The following SHC4 variants were observed in gnomAD, a reference collection of about 807,000 sequenced individuals.
SHC4 encodes SHC-transforming protein 4.
SHC4 carries 41 observed loss-of-function variants against 69.4 expected under a neutral mutation model. The ratio of observed to expected loss-of-function variants is 0.59; its 90% confidence interval spans 0.46 to 0.77. The LOEUF is 0.77. Ranked by LOEUF, SHC4 falls within the 30% of genes least tolerant of loss-of-function variation. SHC4 has a pLI of 0.00. For synonymous variants in SHC4, 318 were observed against 299.3 expected (o/e 1.06, Z -0.64); for missense variants, 777 against 783.8 (o/e 0.99, Z 0.10).
intron 2 of SHC4, among the ~76,000 whole-genome samples, chr15:48,900,494 G>A (rs1701792059): frequency 6.7e-6 from 1 of 150,274 alleles, no homozygotes; most frequent in Admixed American, 6.6e-5. Context: ...GCTACAGAGT[G>A]AGATTCCAAC....
intron 1 of SHC4, among the ~76,000 whole-genome samples, chr15:48,944,671 T>C (rs1315005856): frequency 1.3e-5 from 2 of 152,178 alleles, no homozygotes; most frequent in African/African-American, 4.8e-5. Flanking sequence ...TTGAGTTTTG[T>C]AGTGATATAA....
intron 9 of SHC4, among the ~76,000 whole-genome samples, chr15:48,849,780 T>G (rs1481309461): frequency 6.6e-6 from 1 of 152,228 alleles, no homozygotes; most frequent in African/African-American, 2.4e-5. Flanking sequence ...TTTAAGAGAT[T>G]CATACTTGCC....
At chr15:48,919,191 C>T (rs1157589203) in intron 2 of SHC4, among the ~76,000 whole-genome samples, 1 of 152,006 alleles carries the variant, frequency 6.6e-6, no homozygotes, top group Non-Finnish European at 1.5e-5. Context: ...TTTGATCCTC[C>T]CCTCCAGTCA....
At chr15:48,953,628 C>T (rs991615966) in intron 1 of SHC4, among the ~76,000 whole-genome samples, 4 of 152,166 alleles carry the variant, frequency 2.6e-5, no homozygotes, top group Non-Finnish European at 4.4e-5. Context: ...CTCAACAAAT[C>T]ATAGCTATTA....
chr15:48,873,240 T>C (rs1209831870), intron 4 of SHC4, among the ~76,000 whole-genome samples: 4 of 152,166 alleles, frequency 2.6e-5, no homozygotes, highest in Non-Finnish European at 5.9e-5. Context: ...AAAATTATGG[T>C]ATTTGAAATC....
At chr15:48,862,524 A>C (rs1416111629) in intron 6 of SHC4, among the ~76,000 whole-genome samples, 1 of 152,182 alleles carries the variant, frequency 6.6e-6, no homozygotes, top group African/African-American at 2.4e-5. Flanking sequence ...TAAATGCACT[A>C]ATGCTAAAAG....
intron 1 of SHC4, among the ~76,000 whole-genome samples, chr15:48,938,802 C>A (rs1002062419): frequency 6.6e-6 from 1 of 152,118 alleles, no homozygotes; most frequent in African/African-American, 2.4e-5. Flanking sequence ...AATGACCTGC[C>A]CTATCCTGAC....
chr15:48,867,797 T>C lies in SHC4; in HGVS notation c.946+21A>G, dbSNP rs201613546. On this transcript the variant is annotated intron_variant, in intron 6 of 11. Transcript: ENST00000332408. ...TGGTATATACCAGCTCTTTAAAAAATCTGTAAGTTGCTTTCCATACCTCGT... is the reference window on the plus strand; with the variant it reads ...TGGTATATACCAGCTCTTTAAAAAACCTGTAAGTTGCTTTCCATACCTCGT... The C allele has an allele frequency of 3.0e-5, 48 of 1,611,150 alleles. No homozygotes were observed. The Middle Eastern group carries it at 5.0e-4, about 17-fold the overall frequency.
At chr15:48,891,175 C>A (rs1293572956) in intron 2 of SHC4, among the ~76,000 whole-genome samples, 1 of 152,146 alleles carries the variant, frequency 6.6e-6, no homozygotes, top group African/African-American at 2.4e-5. Context: ...TTAGCAAAAT[C>A]ATCTCTGTAA....
intron 1 of SHC4, among the ~76,000 whole-genome samples, chr15:48,926,714 T>C (rs4774531): frequency 0.32 from 49,360 of 151,936 alleles, 8,515 homozygotes; most frequent in East Asian, 0.53. Flanking sequence ...CTGCCCACTT[T>C]GGCCTCCCAA....
At position 48,962,505 on chromosome 15, in the gene SHC4, G is replaced by T. The variant is rs566421412; in HGVS notation, c.511C>A (p.Pro171Thr). 1.3e-6 allele frequency: 2 copies of T among 1,569,212 alleles called. No individual in the cohort carries two copies. The highest frequency in any genetic ancestry group is 2.4e-5 in the South Asian group (2 of 82,714). ...DSCPLPGPGE[P>T]TLRSRQDRHF... The stretch of plus-strand genomic sequence containing the variant: ...CTGTCCTGCCTGCTCCTAAGTGTTG[G>T]CTCCCCAGGGCCAGGAAGCGGGCAC... Residue 171 changes from proline to threonine, a missense_variant, in exon 1 of 12, where the codon CCA becomes ACA. By Grantham distance (38) the Pro-to-Thr change is conservative. Transcript: ENST00000332408.
At chr15:48,865,273 G>A (rs1025228894) in intron 6 of SHC4, among the ~76,000 whole-genome samples, 1 of 152,186 alleles carries the variant, frequency 6.6e-6, no homozygotes, top group African/African-American at 2.4e-5. Context: ...AAAAGATTTA[G>A]CACTAGAGGA....
At chr15:48,828,093 ATG>A (rs35818835) in intron 11 of SHC4, among the ~76,000 whole-genome samples, 3,579 of 148,660 alleles carry the variant, frequency 0.024, 83 homozygotes, top group East Asian at 0.065. Context: ...ATATGTATGT[ATG>A]TGTGTGTGTG....
intron 2 of SHC4, among the ~76,000 whole-genome samples, chr15:48,893,312 G>A (rs1013783850): frequency 1.3e-5 from 2 of 152,172 alleles, no homozygotes; most frequent in African/African-American, 4.8e-5. Flanking sequence ...CATAACATAT[G>A]GTAGTAGAAG....
chr15:48,905,252 T>C (rs1595751990), intron 2 of SHC4, among the ~76,000 whole-genome samples: 1 of 152,178 alleles, frequency 6.6e-6, no homozygotes, highest in Non-Finnish European at 1.5e-5. Flanking sequence ...AAACTGTGGC[T>C]CTGAATCCTT....
In SHC4 at chr15:48,921,862, T is replaced by G. The variant is rs560741084; in HGVS notation, c.656+3017A>C. Among the ~76,000 whole-genome samples the G allele has an allele frequency of 1.2e-4, 19 of 152,338 alleles. No individual in the cohort carries two copies. In the South Asian group the frequency reaches 3.9e-3, roughly 32 times the overall value. On this transcript the variant is annotated intron_variant, in intron 2 of 11. Transcript: ENST00000332408. ...TTTAGCAACAGGAAATTGCTCAGTA[T>G]GGGAGACTTAGTATATAATATTGTT...
At chr15:48,941,804 G>A (rs945295853) in intron 1 of SHC4, among the ~76,000 whole-genome samples, 10 of 152,048 alleles carry the variant, frequency 6.6e-5, no homozygotes, top group Admixed American at 3.9e-4. Context: ...TGGATATACC[G>A]GGTAGTGGTG....
intron 1 of SHC4, among the ~76,000 whole-genome samples, chr15:48,934,146 C>A (rs932016545): frequency 1.3e-5 from 2 of 152,018 alleles, no homozygotes; most frequent in East Asian, 1.9e-4. Context: ...AGTGAAAAAA[C>A]CACTCAGAGA....
rs114519789 is a variant in SHC4, at chr15:48,852,603, C to G, written c.1243-1355G>C. Among the ~76,000 whole-genome samples the G allele has an allele frequency of 2.9e-3, 447 of 152,122 alleles. 1 individual carries two copies. The highest frequency in any genetic ancestry group is 0.011 in the African/African-American group (440 of 41,492). ...TTTTGGAAGCTTACAGAAGAGGTCT[C>G]AAAAAATAAGAGGTAGGGCCAGGCG... On this transcript the variant is annotated intron_variant, in intron 8 of 11. Coordinates refer to ENST00000332408, the MANE Select transcript of SHC4 (RefSeq NM_203349.4).
Sources: allele counts gnomAD v4.1 joint callset (sites outside exome capture counted in the v4.1 genomes callset), GRCh38; gene constraint gnomAD v4.1.1; transcripts MANE v1.5; gene names NCBI Gene and HGNC (gene_info 2026-07-23, HGNC 2026-07-21).